Variants in SYNPO2L observed in about 807,000 individuals in gnomAD.
SYNPO2L encodes the protein synaptopodin 2-like protein.
In SYNPO2L, 34 loss-of-function variants were observed where a neutral mutation model predicts 47.5. That is an observed-to-expected ratio of 0.72 (90% CI 0.54 to 0.95). The LOEUF is 0.95. SYNPO2L is among the 40% of genes least tolerant of loss of function. The pLI is 0.00. For synonymous variants in SYNPO2L, 536 were observed against 524.9 expected (o/e 1.02, Z -0.29); for missense variants, 1,246 against 1,282.0 (o/e 0.97, Z 0.43).
intron 3 of SYNPO2L, among the ~76,000 whole-genome samples, chr10:73,652,863 C>A (rs1284395817): frequency 6.6e-6 from 1 of 152,182 alleles, no homozygotes; most frequent in Admixed American, 6.5e-5. Flanking sequence ...ATCACCACCA[C>A]CAAACCCTTC....
chr10:73,654,459 C>T (rs1005091084), intron 1 of SYNPO2L, among the ~76,000 whole-genome samples, 179 bp from the exon 2 acceptor site: 1 of 152,076 alleles, frequency 6.6e-6, no homozygotes, highest in African/African-American at 2.4e-5. Flanking sequence ...AGTATACAGA[C>T]TGGAGAAAGA....
At chr10:73,649,331 T>C (rs1251622178) in intron 3 of SYNPO2L, among the ~76,000 whole-genome samples, 1 of 152,140 alleles carries the variant, frequency 6.6e-6, no homozygotes, top group East Asian at 1.9e-4. Context: ...ATAGGGACCA[T>C]GTTAGGAGGC....
At position 73,647,348 on chromosome 10, in the gene SYNPO2L, A is replaced by G; in HGVS notation, c.2304T>C (p.Arg768=). The change falls in exon 4 of 4, where the codon CGT becomes CGC. Residue 768 remains arginine (R), a synonymous_variant. Coordinates refer to ENST00000394810, the MANE Select transcript of SYNPO2L (RefSeq NM_001114133.3). ...GGELFAKRQS[R]ADRYVVEGTP... is the part of the protein sequence containing the mutation. The stretch of plus-strand genomic sequence containing the variant: ...TACCTTCCACCACATACCTGTCCGC[A>G]CGGCTCTGCCGCTTAGCAAACAGCT... 6.2e-7 allele frequency: 1 copy of G among 1,614,062 alleles called. No individual in the cohort carries two copies. The highest frequency in any genetic ancestry group is 8.5e-7 in the Non-Finnish European group (1 of 1,179,996).
intron 3 of SYNPO2L, chr10:73,650,751 A>C: frequency 1.0e-6 from 1 of 985,366 alleles, no homozygotes. Flanking sequence ...AGCATCACTG[A>C]GAAAGGGGCA....
Position 73,646,791 on chromosome 10 carries a change from G to A in SYNPO2L, c.2861C>T (p.Ala954Val), listed in dbSNP as rs751042710. ...ASPSSCGFQV[A>V]RPRFSATRTG... ...TCTGGTGGCTGAAAATCGGGGCCTG[G>A]CTACCTGGAAACCGCAGGAGCTGGG... Residue 954 changes from alanine to valine, a missense_variant, in exon 4 of 4, where the codon GCC becomes GTC. Physicochemically the swap from Ala to Val is moderately conservative, Grantham distance 64 (BLOSUM62 0). Coordinates refer to ENST00000394810, the MANE Select transcript of SYNPO2L (RefSeq NM_001114133.3). 3 of 1,526,998 alleles carry A rather than the reference G, an allele frequency of 2.0e-6. No homozygotes were observed. Among genetic ancestry groups the A allele is most frequent in the African/African-American group, 2.8e-5 (2 of 71,886 alleles). 94.6% of individuals were successfully genotyped at this position (1,526,998 alleles called of 1,614,324 possible).
intron 3 of SYNPO2L, 46 bp from the exon 4 acceptor site, chr10:73,648,925 C>A (rs1466483670): frequency 1.4e-6 from 2 of 1,457,010 alleles, no homozygotes; most frequent in Non-Finnish European, 1.8e-6. Flanking sequence ...TTCCCAGCCT[C>A]TTTTAGTCCT....
Position 73,647,622 on chromosome 10 carries a change from A to T in SYNPO2L, c.2030T>A (p.Leu677Gln). The change falls in exon 4 of 4, where the codon CTG becomes CAG. Residue 677 changes from leucine (L) to glutamine (Q), a missense_variant. Around this residue, in one of 3 missense-constraint regions of SYNPO2L, gnomAD observed 1,037 missense variants for 1,021.5 expected, o/e 1.02. Coordinates refer to ENST00000394810, the MANE Select transcript of SYNPO2L (RefSeq NM_001114133.3). ...GTTGCAGGCTTCAGCCCCGAGGCTC[A>T]GAGCATCTTCTTCAGGACCAGATTC... ...GAESGPEEDA[L>Q]SLGAEACNFM... is the part of the protein sequence containing the mutation. 6.2e-7 allele frequency: 1 copy of T among 1,614,154 alleles called. No individual in the cohort carries two copies. The highest frequency in any genetic ancestry group is 8.5e-7 in the Non-Finnish European group (1 of 1,180,010).
Position 73,648,550 on chromosome 10 carries a change from C to T in SYNPO2L, c.1102G>A (p.Ala368Thr), listed in dbSNP as rs756881529. ...AGCCCAGAGCCCTGGCCCTCTGATGCTCTTGAGCCCGCCCTGGCAAGCTCC... is the reference window on the plus strand; with the variant it reads ...AGCCCAGAGCCCTGGCCCTCTGATGTTCTTGAGCCCGCCCTGGCAAGCTCC... ...DMELARAGSRASEGQGSGLGG... is the reference protein window; with the variant it reads ...DMELARAGSRTSEGQGSGLGG... Residue 368 changes from alanine to threonine, a missense_variant, in exon 4 of 4, where the codon GCA becomes ACA. Ala to Thr is a moderately conservative substitution (Grantham distance 58). This residue lies in a region of SYNPO2L where 1,037 missense variants were observed against 1,021.5 expected (regional missense o/e 1.02). Coordinates refer to ENST00000394810, the MANE Select transcript of SYNPO2L (RefSeq NM_001114133.3). 2 of 1,614,212 alleles carry T rather than the reference C, an allele frequency of 1.2e-6. No homozygotes were observed. Among genetic ancestry groups the T allele is most frequent in the Non-Finnish European group, 1.7e-6 (2 of 1,180,010 alleles).
chr10:73,651,006 A>G, intron 3 of SYNPO2L: 1 of 1,612,786 alleles, frequency 6.2e-7, no homozygotes, highest in Non-Finnish European at 8.5e-7. Context: ...AAAGGTCTCC[A>G]TGCTGAGAAA....
chr10:73,647,734 C>G lies in SYNPO2L; in HGVS notation c.1918G>C (p.Gly640Arg). ...RGTRKQMFRPGKEETKNSPNP... is the reference protein window; with the variant it reads ...RGTRKQMFRPRKEETKNSPNP... ...GGCGAGTTCTTCGTCTCCTCCTTTC[C>G]CGGCCGGAACATCTGCTTCCGGGTC... The change falls in exon 4 of 4, where the codon GGA becomes CGA. Residue 640 changes from glycine to arginine, a missense_variant. Physicochemically the swap from Gly to Arg is moderately radical, Grantham distance 125 (BLOSUM62 -2). Coordinates refer to ENST00000394810, the MANE Select transcript of SYNPO2L (RefSeq NM_001114133.3). 6.2e-7 allele frequency: 1 copy of G among 1,614,082 alleles called. No homozygotes were observed. The highest frequency in any genetic ancestry group is 8.5e-7 in the Non-Finnish European group (1 of 1,179,956).
Position 73,648,726 on chromosome 10 carries a change from G to T in SYNPO2L, c.926C>A (p.Thr309Asn). 1 of 1,612,558 alleles carries T rather than the reference G, an allele frequency of 6.2e-7. No individual in the cohort carries two copies. The highest frequency in any genetic ancestry group is 2.2e-5 in the East Asian group (1 of 44,832). Residue 309 changes from threonine to asparagine, a missense_variant, in exon 4 of 4, where the codon ACC becomes AAC. This residue lies in a region of SYNPO2L where 1,037 missense variants were observed against 1,021.5 expected (regional missense o/e 1.02). Transcript: ENST00000394810. ...KKRRQRAKKY[T>N]LVSFGAAAGT... is the part of the protein sequence containing the mutation. ...AGCAGCAGCCCCGAAGCTCACCAGG[G>T]TGTACTTCTTGGCTCTCTGCCGCCG... is the stretch of plus-strand genomic sequence containing the variant.
chr10:73,649,900 C>T (rs1222106298), intron 3 of SYNPO2L: 10 of 985,360 alleles, frequency 1.0e-5, no homozygotes, highest in Non-Finnish European at 1.2e-5. Flanking sequence ...ACCTCAAGGT[C>T]GCCAGCTAAA....
rs942038874 is a variant in SYNPO2L, at chr10:73,646,652, G to A, written c.*66C>T. On this transcript the variant is annotated 3_prime_UTR_variant, in exon 4 of 4. Coordinates refer to ENST00000394810, the MANE Select transcript of SYNPO2L (RefSeq NM_001114133.3). ...CAGATGCGTGACAGGGGATGGGATA[G>A]GGTAGGAGAAGCAACTTTAGGAACT... 1 of 1,412,676 alleles carries A rather than the reference G, an allele frequency of 7.1e-7. No individual in the cohort carries two copies. The highest frequency in any genetic ancestry group is 9.3e-7 in the Non-Finnish European group (1 of 1,079,322). The allele number at this position is 1,412,676 out of a possible 1,614,324, so 87.5% of individuals were successfully genotyped here.
intron 3 of SYNPO2L, among the ~76,000 whole-genome samples, chr10:73,649,539 C>T (rs936178832): frequency 6.6e-6 from 1 of 152,158 alleles, no homozygotes; most frequent in Non-Finnish European, 1.5e-5. Flanking sequence ...CAACTGTAGG[C>T]GTACTTTCTC....
Position 73,653,126 on chromosome 10 carries a change from T to G in SYNPO2L, c.772+13A>C. 2.1e-6 allele frequency: 3 copies of G among 1,439,060 alleles called. No individual in the cohort carries two copies. Among genetic ancestry groups the G allele is most frequent in the Admixed American group, 2.9e-5 (1 of 34,726 alleles). 89.1% of individuals were successfully genotyped at this position (1,439,060 alleles called of 1,614,324 possible). A position where few individuals can be genotyped will look rare whatever the true frequency, so the allele number is the denominator to read the frequency against. On this transcript the variant is annotated intron_variant, in intron 3 of 3. Coordinates refer to ENST00000394810, the MANE Select transcript of SYNPO2L (RefSeq NM_001114133.3). ...AAGGATCCTGGCTGGGGAAAAGGGGTTCAGGCACTCACTGGCTTGCTTGGC... is the reference window on the plus strand; with the variant it reads ...AAGGATCCTGGCTGGGGAAAAGGGGGTCAGGCACTCACTGGCTTGCTTGGC...
intron 3 of SYNPO2L, chr10:73,650,838 C>T: frequency 6.9e-7 from 1 of 1,457,798 alleles, no homozygotes; most frequent in Non-Finnish European, 9.1e-7. Context: ...AAAGACTACC[C>T]TTCCTAAACT....
Position 73,646,830 on chromosome 10 carries a change from C to T in SYNPO2L, c.2822G>A (p.Gly941Asp). ...SPAPPPEAPR[G>D]LGASPSSCGF... Reference sequence around the variant, plus strand: ...GCAGGAGCTGGGAGAAGCCCCAAGGCCCCTGGGAGCCTCTGGAGGAGGGGC... The same window carrying T: ...GCAGGAGCTGGGAGAAGCCCCAAGGTCCCTGGGAGCCTCTGGAGGAGGGGC... Residue 941 changes from glycine to aspartate, a missense_variant, in exon 4 of 4, where the codon GGC becomes GAC. By Grantham distance (94) the Gly-to-Asp change is moderately conservative (BLOSUM62 -1). Coordinates refer to ENST00000394810, the MANE Select transcript of SYNPO2L (RefSeq NM_001114133.3). 1.3e-6 allele frequency: 2 copies of T among 1,550,018 alleles called. No individual in the cohort carries two copies. The highest frequency in any genetic ancestry group is 1.2e-5 in the South Asian group (1 of 80,336).
intron 3 of SYNPO2L, among the ~76,000 whole-genome samples, chr10:73,651,267 C>T (rs1342457004): frequency 6.6e-6 from 1 of 152,086 alleles, no homozygotes; most frequent in Non-Finnish European, 1.5e-5. Context: ...CCAGTAGCTA[C>T]AGTCTCATCC....
rs745581919 is a variant in SYNPO2L, at chr10:73,647,451, A to T, written c.2201T>A (p.Leu734His). 14 of 1,603,826 alleles carry T rather than the reference A, an allele frequency of 8.7e-6. No individual in the cohort carries two copies. Among genetic ancestry groups the T allele is most frequent in the Admixed American group, 1.7e-5 (1 of 59,414 alleles). ...PVAPKPPSRG[L>H]LDGLVNGAAS... ...TGCCCCATTCACGAGCCCATCAAGG[A>T]GCCCTCGAGATGGGGGCTTAGGAGC... is the stretch of plus-strand genomic sequence containing the variant. The change falls in exon 4 of 4, where the codon CTC becomes CAC. Residue 734 changes from leucine (L) to histidine (H), a missense_variant. This residue lies in a region of SYNPO2L where 1,037 missense variants were observed against 1,021.5 expected (regional missense o/e 1.02). Coordinates refer to ENST00000394810, the MANE Select transcript of SYNPO2L (RefSeq NM_001114133.3).
Sources: gnomAD v4.1 joint callset for allele counts (sites outside exome capture counted in the v4.1 genomes callset) on GRCh38, gnomAD v4.1.1 for gene constraint, gnomAD v4.1.1 regional missense constraint, MANE v1.5 for transcripts, NCBI Gene and HGNC (gene_info 2026-07-23, HGNC 2026-07-21) for gene names.